The following WSCD1 variants were observed in gnomAD, a reference collection of about 807,000 sequenced individuals.
The protein encoded by WSCD1 is sialate:O-sulfotransferase 1.
WSCD1 carries 41 observed loss-of-function variants against 60.4 expected under a neutral mutation model. That is an observed-to-expected ratio of 0.68 (90% CI 0.53 to 0.88). WSCD1 has a LOEUF of 0.88. WSCD1 is among the 40% of genes least tolerant of loss of function. The pLI is 0.00. For missense variants in WSCD1, 784 were observed against 796.2 expected (o/e 0.98, Z 0.18); for synonymous variants, 361 against 332.5 (o/e 1.09, Z -0.93).
intron 1 of WSCD1, among the ~76,000 whole-genome samples, chr17:6,072,190 TGAAGA>T (rs1908587291): frequency 6.6e-6 from 1 of 152,244 alleles, no homozygotes; most frequent in Non-Finnish European, 1.5e-5. Context: ...TGGTTGGAAG[TGAAGA>T]GAAGCTGGGA....
At chr17:6,086,043 C>T (rs1196951498) in intron 2 of WSCD1, among the ~76,000 whole-genome samples, 2 of 151,940 alleles carry the variant, frequency 1.3e-5, no homozygotes, top group Non-Finnish European at 2.9e-5. Flanking sequence ...GGCTGGGAAC[C>T]AGACCCTTTG....
chr17:6,070,179 TCA>T (rs967849170), upstream of WSCD1, among the ~76,000 whole-genome samples: 28 of 150,862 alleles, frequency 1.9e-4, no homozygotes, highest in Non-Finnish European at 3.7e-4. Context: ...TGTGTGTGTA[TCA>T]GAGTGGGTGG....
At chr17:6,085,791 A>G (rs535197745) in intron 2 of WSCD1, among the ~76,000 whole-genome samples, 1 of 152,338 alleles carries the variant, frequency 6.6e-6, no homozygotes, top group East Asian at 1.9e-4. Flanking sequence ...AATTTCTCAA[A>G]TATTAGTTTT....
chr17:6,118,046 C>A lies in WSCD1; in HGVS notation c.1233C>A (p.His411Gln). ...RSRRTICVKT[H>Q]ESGRREIEMF... ...GACGCACCATCTGTGTCAAAACCCA[C>A]GAGAGTGGCAGGAGGGAGATTGAGA... is the stretch of plus-strand genomic sequence containing the variant. The change falls in exon 8 of 9, where the codon CAC (histidine) becomes CAA (glutamine). Residue 411 changes from histidine (H) to glutamine (Q), a missense_variant. Coordinates refer to ENST00000317744, the MANE Select transcript of WSCD1 (RefSeq NM_015253.2). The surrounding 1 kb of genome is among the most constrained non-coding windows in gnomAD (Gnocchi z 5.8). The A allele has an allele frequency of 6.2e-7, 1 of 1,614,178 alleles. No homozygotes were observed. Among genetic ancestry groups the A allele is most frequent in the Middle Eastern group, 1.7e-4 (1 of 6,056 alleles).
At chr17:6,083,287 C>T (rs1213317908) in intron 2 of WSCD1, among the ~76,000 whole-genome samples, 4 of 152,348 alleles carry the variant, frequency 2.6e-5, no homozygotes, top group Non-Finnish European at 2.9e-5. Context: ...GGCTCAGTTC[C>T]TCTCTTCATT....
chr17:6,111,439 G>C (rs150531593), intron 7 of WSCD1, among the ~76,000 whole-genome samples: 1,596 of 152,280 alleles, frequency 0.01, 22 homozygotes, highest in African/African-American at 0.033. Flanking sequence ...AGTGGCTCAC[G>C]CCTGTAATCC....
rs536376375 is a variant in WSCD1, at chr17:6,110,712, G to A, written c.1010-59G>A. 4.2e-5 allele frequency: 65 copies of A among 1,547,166 alleles called. 1 individual carries two copies. In the South Asian group the frequency reaches 7.8e-4, roughly 19 times the overall value. ...ATCAGTTCCTCTAAGGGAGTTTAGT[G>A]GTGAATTGGTGAGTCATAATGGAAG... On this transcript the variant is annotated intron_variant, in intron 6 of 8. Transcript: ENST00000317744. The surrounding 1 kb of genome is among the most constrained non-coding windows in gnomAD (Gnocchi z 4.8).
At chr17:6,087,128 G>T (rs1597355443) in intron 2 of WSCD1, among the ~76,000 whole-genome samples, 1 of 152,168 alleles carries the variant, frequency 6.6e-6, no homozygotes, top group Non-Finnish European at 1.5e-5. Flanking sequence ...TTCCCATGCC[G>T]CTCCTTCAAA....
At position 6,094,376 on chromosome 17, in the gene WSCD1, G is replaced by A. The variant is rs73347032; in HGVS notation, c.728-726G>A. Among the ~76,000 whole-genome samples, 1,021 of 152,266 alleles carry A rather than the reference G, an allele frequency of 6.7e-3. 10 individuals carry two copies. Among genetic ancestry groups the A allele is most frequent in the African/African-American group, 0.023 (973 of 41,552 alleles). On this transcript the variant is annotated intron_variant, in intron 4 of 8. Transcript: ENST00000317744. ...GGCAAAGCAGTGGTATGACTCCAAC[G>A]GCACAGCAAGAACAAACATGGCTGG... is the stretch of plus-strand genomic sequence containing the variant.
Position 6,095,103 on chromosome 17 carries a change from GC to G in WSCD1, c.730del (p.Arg244GlyfsTer23), listed in dbSNP as rs779993812. 40 of 1,609,922 alleles carry G rather than the reference GC, an allele frequency of 2.5e-5. No individual in the cohort carries two copies. In the South Asian group the frequency reaches 3.4e-4, roughly 14 times the overall value. On this transcript the variant is annotated frameshift_variant and splice_region_variant, in exon 5 of 9. Coordinates refer to ENST00000317744, the MANE Select transcript of WSCD1 (RefSeq NM_015253.2). LOFTEE classifies it high-confidence loss of function. ...DELQPGSRKRRTATYRGCFRL... is the reference protein window; with the variant it reads ...DELQPGSRKRXTATYRGCFRL... ...AGAAACCCCTCTCTTTTCCCCCAGG[GC>G]GGACCGCCACCTACCGCGGATGCTT...
At position 6,110,703 on chromosome 17, in the gene WSCD1, G is replaced by GA; in HGVS notation, c.1010-67dup. 3.3e-6 allele frequency: 5 copies of GA among 1,533,538 alleles called. No individual in the cohort carries two copies. The South Asian group carries it at 6.3e-5, about 19-fold the overall frequency. 95.0% of individuals were successfully genotyped at this position (1,533,538 alleles called of 1,614,324 possible). A position where few individuals can be genotyped will look rare whatever the true frequency, so the allele number is the denominator to read the frequency against. On this transcript the variant is annotated intron_variant, in intron 6 of 8. Transcript: ENST00000317744. This position sits in a 1 kb window ranked among gnomAD's most constrained non-coding sequence, Gnocchi z 4.8. ...TCTTCGTTCATCAGTTCCTCTAAGGGAGTTTAGTGGTGAATTGGTGAGTCA... is the reference window on the plus strand; with the variant it reads ...TCTTCGTTCATCAGTTCCTCTAAGGGAAGTTTAGTGGTGAATTGGTGAGTCA...
chr17:6,084,480 C>T (rs1029514679), intron 2 of WSCD1, among the ~76,000 whole-genome samples: 9 of 152,192 alleles, frequency 5.9e-5, no homozygotes, highest in African/African-American at 1.9e-4. Context: ...CTTTGTGGCC[C>T]GGGCAGCCCG....
At position 6,118,593 on chromosome 17, in the gene WSCD1, G is replaced by T. The variant is rs567743762; in HGVS notation, c.1375+405G>T. 6.6e-6 allele frequency among the ~76,000 whole-genome samples: 1 copy of T among 152,322 alleles called. No individual in the cohort carries two copies. The highest frequency in any genetic ancestry group is 2.1e-4 in the South Asian group (1 of 4,828). The stretch of plus-strand genomic sequence containing the variant: ...GCACCTTCCTCTGTGTTCAGCACCA[G>T]GTTCCTCTTTTATAGAATGAGACCT... On this transcript the variant is annotated intron_variant, in intron 8 of 8. Coordinates refer to ENST00000317744, the MANE Select transcript of WSCD1 (RefSeq NM_015253.2). The surrounding 1 kb of genome is among the most constrained non-coding windows in gnomAD (Gnocchi z 5.8).
chr17:6,077,068 G>A (rs1908909010), intron 1 of WSCD1, among the ~76,000 whole-genome samples: 1 of 149,768 alleles, frequency 6.7e-6, no homozygotes, highest in Admixed American at 6.7e-5. Context: ...AGGGTGACAA[G>A]TTCCTGCAAG....
chr17:6,120,688 G>A lies in WSCD1; in HGVS notation c.*27G>A, dbSNP rs368370008. ...AGGCCTGGCCCACGCCGCCGCCCCC[G>A]CTGAGTGACGCAATCGCACCACGGG... On this transcript the variant is annotated 3_prime_UTR_variant, in exon 9 of 9. Coordinates refer to ENST00000317744, the MANE Select transcript of WSCD1 (RefSeq NM_015253.2). 1,709 of 1,581,082 alleles carry A rather than the reference G, an allele frequency of 1.1e-3. No individual in the cohort carries two copies. The highest frequency in any genetic ancestry group is 1.4e-3 in the Non-Finnish European group (1,590 of 1,161,766).
At position 6,095,189 on chromosome 17, in the gene WSCD1, C is replaced by A. The variant is rs774613797; in HGVS notation, c.815C>A (p.Thr272Asn). The change falls in exon 5 of 9, where the codon ACC (threonine) becomes AAC (asparagine). Residue 272 changes from threonine (T) to asparagine (N), a missense_variant. Coordinates refer to ENST00000317744, the MANE Select transcript of WSCD1 (RefSeq NM_015253.2). ...FPSSLIQANV[T>N]VGTCSGFCSQ... Reference sequence around the variant, plus strand: ...AGCTCCCTGATACAGGCCAATGTGACCGTGGGGACTTGCTCGGGCTTTTGT... The same window carrying A: ...AGCTCCCTGATACAGGCCAATGTGAACGTGGGGACTTGCTCGGGCTTTTGT... The A allele has an allele frequency of 6.2e-7, 1 of 1,613,674 alleles. No homozygotes were observed. The highest frequency in any genetic ancestry group is 8.5e-7 in the Non-Finnish European group (1 of 1,179,800).
chr17:6,072,253 G>C (rs752200172), intron 1 of WSCD1, among the ~76,000 whole-genome samples: 1 of 152,246 alleles, frequency 6.6e-6, no homozygotes, highest in Admixed American at 6.5e-5. Context: ...CTTCCTAACC[G>C]AGCAGAAGTG....
chr17:6,076,338 T>C (rs1270077225), intron 1 of WSCD1, among the ~76,000 whole-genome samples: 1 of 152,158 alleles, frequency 6.6e-6, no homozygotes, highest in Admixed American at 6.5e-5. Context: ...TCATAAATGG[T>C]GGCATTGACA....
Position 6,070,569 on chromosome 17 carries a change from A to T in WSCD1, c.-372A>T, listed in dbSNP as rs1908469078. 6.7e-6 allele frequency: 1 copy of T among 148,440 alleles called. No individual in the cohort carries two copies. The highest frequency in any genetic ancestry group is 2.1e-4 in the South Asian group (1 of 4,804). 9.2% of individuals were successfully genotyped at this position (148,440 alleles called of 1,614,324 possible). ...GCGCCGGGGCTTCTGGGCTCCGGGC[A>T]CTGCGGGGGGCTGCGGGCTCGGCGC... On this transcript the variant is annotated 5_prime_UTR_variant, in exon 1 of 9. Transcript: ENST00000317744.
Sources: allele counts gnomAD v4.1 joint callset (sites outside exome capture counted in the v4.1 genomes callset), GRCh38; gene constraint gnomAD v4.1.1; non-coding constraint Gnocchi (gnomAD v3.1); transcripts MANE v1.5; gene names NCBI Gene and HGNC (gene_info 2026-07-23, HGNC 2026-07-21).